Variants in KCNQ3 observed in about 807,000 individuals in gnomAD.
The protein encoded by KCNQ3 is potassium voltage-gated channel subfamily KQT member 3.
In KCNQ3, 30 loss-of-function variants were observed where a neutral mutation model predicts 92.5. That is an observed-to-expected ratio of 0.32 (90% confidence interval 0.24 to 0.44). The LOEUF is 0.44. Among genes scored for constraint, KCNQ3 ranks in the 20% least tolerant of loss-of-function variants. The pLI is 1.00. For synonymous variants in KCNQ3, 450 were observed against 468.8 expected (o/e 0.96, Z 0.52); for missense variants, 913 against 1,140.3 (o/e 0.80, Z 2.87).
intron 1 of KCNQ3, among the ~76,000 whole-genome samples, chr8:132,246,489 C>T (rs1229776559): frequency 6.6e-6 from 1 of 152,152 alleles, no homozygotes; most frequent in Non-Finnish European, 1.5e-5. Flanking sequence ...GAAACATAAA[C>T]AACACTTTAA....
intron 1 of KCNQ3, among the ~76,000 whole-genome samples, chr8:132,298,924 G>T (rs554642109): frequency 6.6e-6 from 1 of 151,850 alleles, no homozygotes; most frequent in South Asian, 2.1e-4. Context: ...CAAACAAAAA[G>T]AATTACTCAC....
intron 1 of KCNQ3, among the ~76,000 whole-genome samples, chr8:132,271,912 G>T (rs1266592569): frequency 6.6e-6 from 1 of 152,182 alleles, no homozygotes; most frequent in Non-Finnish European, 1.5e-5. Flanking sequence ...TAACCTGGCT[G>T]ATCCTTTTGT....
rs796189262 is a variant in KCNQ3 at position 132,182,045 on chromosome 8, CA to C, written c.605-1717del. 2.5e-3 allele frequency among the ~76,000 whole-genome samples: 226 copies of C among 91,456 alleles called. 1 individual carries two copies. The highest frequency in any genetic ancestry group is 6.3e-3 in the South Asian group (17 of 2,684). 60.0% of individuals were successfully genotyped at this position (91,456 alleles called of 152,430 possible). ...GGGCGACAAGAGCGAGACTCCGTCT[CA>C]AAAAAAAAAAAACCATAAAAAACAA... On this transcript the variant is annotated intron_variant, in intron 3 of 14. Transcript: ENST00000388996.
At chr8:132,323,780 G>C (rs1817961826) in intron 1 of KCNQ3, among the ~76,000 whole-genome samples, 1 of 151,868 alleles carries the variant, frequency 6.6e-6, no homozygotes, top group Non-Finnish European at 1.5e-5. Context: ...GACAACTGTG[G>C]GTCTCGGCCT....
chr8:132,245,365 T>C (rs1815137064), intron 1 of KCNQ3, among the ~76,000 whole-genome samples: 1 of 152,150 alleles, frequency 6.6e-6, no homozygotes, highest in Non-Finnish European at 1.5e-5. Flanking sequence ...TCCTATCTAT[T>C]TGTCAAAGCC....
chr8:132,342,495 T>C (rs896047383), intron 1 of KCNQ3, among the ~76,000 whole-genome samples: 8 of 152,148 alleles, frequency 5.3e-5, no homozygotes, highest in Admixed American at 5.2e-4. Context: ...TTTTGTTGGG[T>C]TGACAAGGTA....
intron 9 of KCNQ3, among the ~76,000 whole-genome samples, chr8:132,154,470 C>A (rs1456745899): frequency 3.9e-5 from 6 of 152,090 alleles, no homozygotes; most frequent in Non-Finnish European, 8.8e-5. Flanking sequence ...CAAAACAGCA[C>A]CCCCTGTCAA....
intron 1 of KCNQ3, among the ~76,000 whole-genome samples, chr8:132,437,364 A>T (rs1821424477): frequency 6.6e-6 from 1 of 152,168 alleles, no homozygotes. Context: ...TAGTTCTGGC[A>T]TCCACTCATG....
At chr8:132,239,745 C>A (rs1814927037) in intron 1 of KCNQ3, among the ~76,000 whole-genome samples, 1 of 152,184 alleles carries the variant, frequency 6.6e-6, no homozygotes, top group Non-Finnish European at 1.5e-5. Flanking sequence ...GATAGCAGAG[C>A]AATTCCTGGA....
intron 1 of KCNQ3, among the ~76,000 whole-genome samples, chr8:132,364,336 C>A (rs1038626733): frequency 3.9e-5 from 6 of 152,170 alleles, no homozygotes; most frequent in African/African-American, 1.4e-4. Flanking sequence ...CAAGTGTTGG[C>A]AATACATCTA....
At chr8:132,257,745 CAAAAAAAAAA>C (rs1174893538) in intron 1 of KCNQ3, among the ~76,000 whole-genome samples, 2 of 76,662 alleles carry the variant, frequency 2.6e-5, no homozygotes, top group Non-Finnish European at 4.5e-5. Flanking sequence ...GACTCCAGCT[CAAAAAAAAAA>C]AAAAAAAAAA....
chr8:132,347,491 A>C (rs1259230107), intron 1 of KCNQ3, among the ~76,000 whole-genome samples: 2 of 152,194 alleles, frequency 1.3e-5, no homozygotes, highest in Non-Finnish European at 2.9e-5. Flanking sequence ...GGGAGTAAAA[A>C]AGGGTATATA....
chr8:132,434,222 A>AT (rs1213278756), intron 1 of KCNQ3, among the ~76,000 whole-genome samples: 3 of 136,542 alleles, frequency 2.2e-5, no homozygotes, highest in African/African-American at 8.4e-5. Flanking sequence ...AAAAAAAAAA[A>AT]AAAAATAATA....
At chr8:132,241,779 A>C (rs1423465043) in intron 1 of KCNQ3, among the ~76,000 whole-genome samples, 2 of 151,480 alleles carry the variant, frequency 1.3e-5, no homozygotes, top group Non-Finnish European at 2.9e-5. Context: ...GGTTGCAGTG[A>C]GCTGAGATGG....
intron 1 of KCNQ3, among the ~76,000 whole-genome samples, chr8:132,460,853 C>A (rs1004914693): frequency 3.3e-5 from 5 of 152,156 alleles, no homozygotes; most frequent in African/African-American, 1.2e-4. Context: ...AATTTCACCA[C>A]CCTAAAATAT....
At chr8:132,138,505 A>C (rs1179533250) in intron 11 of KCNQ3, among the ~76,000 whole-genome samples, 1 of 152,104 alleles carries the variant, frequency 6.6e-6, no homozygotes, top group Non-Finnish European at 1.5e-5. Flanking sequence ...TCTCATCCTC[A>C]AGAGCCTCTT....
chr8:132,391,194 G>A (rs1004805576), intron 1 of KCNQ3, among the ~76,000 whole-genome samples: 4 of 152,178 alleles, frequency 2.6e-5, no homozygotes, highest in Admixed American at 2.0e-4. Context: ...TGGGCACAAT[G>A]CTATTTTGAG....
chr8:132,311,558 A>T (rs566529990), intron 1 of KCNQ3, among the ~76,000 whole-genome samples: 2 of 152,344 alleles, frequency 1.3e-5, no homozygotes, highest in African/African-American at 4.8e-5. Flanking sequence ...CCTAACTTAC[A>T]AACACCCTGA....
chr8:132,133,712 C>T (rs886919411), intron 13 of KCNQ3, among the ~76,000 whole-genome samples: 2 of 152,188 alleles, frequency 1.3e-5, no homozygotes, highest in African/African-American at 4.8e-5. Flanking sequence ...CTCCCTCACT[C>T]ATTGTGTTAC....
Sources: allele counts gnomAD v4.1 joint callset (sites outside exome capture counted in the v4.1 genomes callset), GRCh38; gene constraint gnomAD v4.1.1; transcripts MANE v1.5; gene names NCBI Gene and HGNC (gene_info 2026-07-23, HGNC 2026-07-21).